DSCAM: variants seen among roughly 807,000 people sequenced by gnomAD.
DSCAM encodes the protein cell adhesion molecule DSCAM.
DSCAM carries 47 observed loss-of-function variants against 217.7 expected under a neutral mutation model. The observed-to-expected ratio is 0.22, with a 90% CI of 0.17 to 0.28. The LOEUF (loss-of-function observed/expected upper bound fraction) is 0.28, where lower values mean the gene tolerates loss of function less well. Ranked by LOEUF, DSCAM falls within the 10% of genes least tolerant of loss-of-function variation. DSCAM has a pLI of 1.00. For synonymous variants in DSCAM, 1,056 were observed against 1,015.3 expected (o/e 1.04, Z -0.76); for missense variants, 2,080 against 2,618.3 (o/e 0.79, Z 4.49).
At chr21:40,292,944 G>C (rs913243875) in intron 10 of DSCAM, among the ~76,000 whole-genome samples, 21 of 152,070 alleles carry the variant, frequency 1.4e-4, no homozygotes, top group Non-Finnish European at 2.9e-5. Flanking sequence ...CACCGTGTTA[G>C]CCAGGATGGT....
In DSCAM at chr21:40,293,772, C is replaced by T. The variant is rs938885106; in HGVS notation, c.2182+2283G>A. 9.2e-5 allele frequency among the ~76,000 whole-genome samples: 14 copies of T among 152,096 alleles called. No homozygotes were observed. The East Asian group carries it at 2.7e-3, about 30-fold the overall frequency. ...CCCAGGAGGCGGAGGTTGCAGTGAG[C>T]TGAGATCGCACCACTGCACTCCAGC... On this transcript the variant is annotated intron_variant, in intron 10 of 32. Transcript: ENST00000400454.
At chr21:40,755,833 C>T (rs192317855) in intron 1 of DSCAM, among the ~76,000 whole-genome samples, 79 of 152,306 alleles carry the variant, frequency 5.2e-4, no homozygotes, top group South Asian at 1.0e-3. Flanking sequence ...ATTCTGTCAT[C>T]CTTCATGCAT....
chr21:40,348,548 G>T (rs990347359), intron 5 of DSCAM, among the ~76,000 whole-genome samples: 1 of 151,064 alleles, frequency 6.6e-6, no homozygotes, highest in Admixed American at 6.6e-5. Flanking sequence ...CCACATTATT[G>T]CAATCATACT....
At chr21:40,089,166 ATGCCCATTT>A (rs1191494117) in intron 21 of DSCAM, among the ~76,000 whole-genome samples, 1 of 152,206 alleles carries the variant, frequency 6.6e-6, no homozygotes, top group Non-Finnish European at 1.5e-5. Context: ...CTATCGCTCA[ATGCCCATTT>A]TGCCCATTTT....
At chr21:40,524,527 T>C (rs1183957566) in intron 3 of DSCAM, among the ~76,000 whole-genome samples, 2 of 151,714 alleles carry the variant, frequency 1.3e-5, no homozygotes, top group Non-Finnish European at 2.9e-5. Flanking sequence ...GCTTTCTGTG[T>C]TATCATGTAT....
intron 3 of DSCAM, among the ~76,000 whole-genome samples, chr21:40,660,564 C>A (rs181889919): frequency 9.2e-5 from 14 of 152,320 alleles, no homozygotes; most frequent in African/African-American, 2.9e-4. Flanking sequence ...GTTCATTACA[C>A]ACAGAATAAA....
At chr21:40,292,376 T>C (rs908340066) in intron 10 of DSCAM, among the ~76,000 whole-genome samples, 5 of 152,092 alleles carry the variant, frequency 3.3e-5, no homozygotes, top group South Asian at 4.1e-4. Flanking sequence ...CAGCTCTTAG[T>C]GATCATTTCA....
At chr21:40,351,231 A>T (rs1264101990) in intron 5 of DSCAM, among the ~76,000 whole-genome samples, 1 of 152,112 alleles carries the variant, frequency 6.6e-6, no homozygotes, top group South Asian at 2.1e-4. Context: ...ATGACTTGGC[A>T]GGACATGGCA....
At chr21:40,581,728 G>T (rs2076907316) in intron 3 of DSCAM, among the ~76,000 whole-genome samples, 3 of 152,166 alleles carry the variant, frequency 2.0e-5, no homozygotes, top group Admixed American at 6.5e-5. Flanking sequence ...CCTTCCAGGG[G>T]ACACAGGTGT....
intron 3 of DSCAM, among the ~76,000 whole-genome samples, chr21:40,508,556 CTGT>C (rs1042621400): frequency 2.0e-5 from 3 of 151,218 alleles, no homozygotes; most frequent in Non-Finnish European, 2.9e-5. Flanking sequence ...ATTAGTATTG[CTGT>C]TGTTGTTATC....
intron 25 of DSCAM, 58 bp downstream of exon 25, chr21:40,080,094 C>A: frequency 7.7e-7 from 1 of 1,305,734 alleles, no homozygotes. Flanking sequence ...TGATTCCAAT[C>A]TCCTCTTCTG....
In DSCAM at chr21:40,312,209, A is replaced by G. The variant is rs1569057141; in HGVS notation, c.1934T>C (p.Ile645Thr). The G allele has an allele frequency of 1.9e-6, 3 of 1,614,080 alleles. No homozygotes were observed. The highest frequency in any genetic ancestry group is 2.5e-6 in the Non-Finnish European group (3 of 1,180,008). The change falls in exon 9 of 33, where the codon ATT becomes ACT. Residue 645 changes from isoleucine (I) to threonine (T), a missense_variant. By Grantham distance (89) the Ile-to-Thr change is moderately conservative. Transcript: ENST00000400454. ...RPIPGSLGVT[I>T]DNIDFTSSLR... ...GGAGCTCGTGAAGTCAATATTGTCA[A>G]TGGTCACCCCAAGGCTCCCAGGGAT...
intron 4 of DSCAM, among the ~76,000 whole-genome samples, chr21:40,368,066 G>A (rs898568903): frequency 1.3e-5 from 2 of 152,084 alleles, no homozygotes; most frequent in Non-Finnish European, 2.9e-5. Flanking sequence ...ACAGAAAGAC[G>A]GGCTCTTAGA....
At chr21:40,535,938 A>T (rs1386791345) in intron 3 of DSCAM, among the ~76,000 whole-genome samples, 1 of 152,196 alleles carries the variant, frequency 6.6e-6, no homozygotes, top group African/African-American at 2.4e-5. Flanking sequence ...CTTGGTTGAG[A>T]AGTATTTATA....
At chr21:40,304,165 T>C (rs180850556) in intron 9 of DSCAM, among the ~76,000 whole-genome samples, 2,293 of 152,348 alleles carry the variant, frequency 0.015, 23 homozygotes, top group Non-Finnish European at 0.021. Context: ...GTGTTGTTTT[T>C]GTTTTCTTAT....
intron 25 of DSCAM, among the ~76,000 whole-genome samples, chr21:40,079,280 G>A (rs766882523): frequency 1.1e-4 from 16 of 152,220 alleles, no homozygotes; most frequent in Admixed American, 2.0e-4. Context: ...TGTGGTTTGC[G>A]GGGCAGTGTG....
At chr21:40,405,721 G>T (rs1162274403) in intron 3 of DSCAM, among the ~76,000 whole-genome samples, 1 of 152,156 alleles carries the variant, frequency 6.6e-6, no homozygotes, top group African/African-American at 2.4e-5. Flanking sequence ...ATATAGCCGG[G>T]CACAGTGGCT....
chr21:40,834,029 C>T (rs1371880721), intron 1 of DSCAM, among the ~76,000 whole-genome samples: 1 of 152,086 alleles, frequency 6.6e-6, no homozygotes, highest in Non-Finnish European at 1.5e-5. Flanking sequence ...AATTGCCCTC[C>T]GTTAAGAACC....
chr21:40,380,623 T>C (rs2075010403), intron 3 of DSCAM, among the ~76,000 whole-genome samples: 2 of 152,148 alleles, frequency 1.3e-5, no homozygotes, highest in South Asian at 4.1e-4. Flanking sequence ...TCTGAGGACG[T>C]GCACTTCAGC....
Sources: allele counts gnomAD v4.1 joint callset (sites outside exome capture counted in the v4.1 genomes callset), GRCh38; gene constraint gnomAD v4.1.1; transcripts MANE v1.5; gene names NCBI Gene and HGNC (gene_info 2026-07-23, HGNC 2026-07-21).